MREG: variants seen among roughly 807,000 people sequenced by gnomAD.
The protein encoded by MREG is melanoregulin.
A neutral mutation model predicts 28.5 loss-of-function variants in MREG; 31 were observed. The observed-to-expected ratio is 1.09, with a 90% CI of 0.82 to 1.47. The LOEUF (loss-of-function observed/expected upper bound fraction) is 1.47, where lower values mean the gene tolerates loss of function less well. Among genes scored for constraint, MREG ranks in the 40% most tolerant of loss-of-function variants. MREG has a pLI of 0.00. For missense variants in MREG, 256 were observed against 257.4 expected (o/e 0.99, Z 0.04); for synonymous variants, 106 against 95.2 (o/e 1.11, Z -0.66).
chr2:215,971,882 C>T (rs912384911), intron 2 of MREG, among the ~76,000 whole-genome samples: 2 of 152,194 alleles, frequency 1.3e-5, no homozygotes, highest in Non-Finnish European at 2.9e-5. Context: ...AACCAAGGAT[C>T]TGCCAGCGAG....
At chr2:215,987,610 GT>G (rs1417099484) in intron 2 of MREG, among the ~76,000 whole-genome samples, 2 of 152,200 alleles carry the variant, frequency 1.3e-5, no homozygotes, top group Non-Finnish European at 1.5e-5. Context: ...GAAGGGCGCA[GT>G]GGCTCACATC....
upstream of MREG, among the ~76,000 whole-genome samples, chr2:216,015,150 C>CAT (rs1694421696): frequency 1.8e-5 from 1 of 55,230 alleles, no homozygotes; most frequent in African/African-American, 1.5e-4. Flanking sequence ...TCTGTGCGTG[C>CAT]GTACGTGTGC....
intron 2 of MREG, among the ~76,000 whole-genome samples, chr2:215,956,542 T>C (rs1373628292): frequency 6.6e-6 from 1 of 152,124 alleles, no homozygotes; most frequent in African/African-American, 2.4e-5. Context: ...TTTGGTGTTG[T>C]TTGTTGTTGT....
At chr2:215,940,631 T>C (rs375010991), downstream of MREG, among the ~76,000 whole-genome samples, 10 of 152,330 alleles carry the variant, frequency 6.6e-5, 2 homozygotes, top group South Asian at 1.9e-3. Flanking sequence ...AGTGATTGTA[T>C]TGGCAACTCA....
At chr2:215,958,042 T>A (rs1308016543) in intron 2 of MREG, among the ~76,000 whole-genome samples, 1 of 137,442 alleles carries the variant, frequency 7.3e-6, no homozygotes, top group Non-Finnish European at 1.5e-5. Context: ...CACTCGTAGG[T>A]GGGAAATGAA....
chr2:215,960,698 G>T (rs1361685492), intron 2 of MREG, among the ~76,000 whole-genome samples: 1 of 152,084 alleles, frequency 6.6e-6, no homozygotes, highest in Non-Finnish European at 1.5e-5. Flanking sequence ...GCCAGGCATG[G>T]TGGCGGGCAC....
intron 2 of MREG, among the ~76,000 whole-genome samples, chr2:215,982,219 G>A (rs1055279943): frequency 6.6e-6 from 1 of 151,884 alleles, no homozygotes; most frequent in Non-Finnish European, 1.5e-5. Flanking sequence ...TAGTTGGGAG[G>A]CTGAGACAGG....
chr2:215,978,400 C>T (rs1033202245), intron 2 of MREG, among the ~76,000 whole-genome samples: 7 of 152,068 alleles, frequency 4.6e-5, no homozygotes, highest in Non-Finnish European at 1.0e-4. Flanking sequence ...AATAGCTTAC[C>T]AACTGAAAAA....
At chr2:215,979,475 AT>A (rs1559184963) in intron 2 of MREG, among the ~76,000 whole-genome samples, 6,530 of 118,908 alleles carry the variant, frequency 0.055, 361 homozygotes, top group African/African-American at 0.15. Flanking sequence ...AAAAATAATA[AT>A]AATAATAATA....
chr2:215,986,579 AC>A (rs1693578402), intron 2 of MREG, among the ~76,000 whole-genome samples: 1 of 152,208 alleles, frequency 6.6e-6, no homozygotes, highest in Admixed American at 6.5e-5. Flanking sequence ...CACAAATCTC[AC>A]TTTGAATTTT....
rs201437823 is a variant in MREG at position 215,945,042 on chromosome 2, A to C, written c.511-45T>G. 99 of 1,521,090 alleles carry C rather than the reference A, an allele frequency of 6.5e-5. No individual in the cohort carries two copies. In the East Asian group the frequency reaches 2.2e-3, roughly 34 times the overall value. The allele number at this position is 1,521,090 out of a possible 1,614,324, so 94.2% of individuals were successfully genotyped here. ...ACCAAAAAACTGCTGGCAAGATAGG[A>C]ACCAAGACATGTCGATGGGAAAAAG... On this transcript the variant is annotated intron_variant, in intron 4 of 4. Transcript: ENST00000263268.
At chr2:215,973,162 CAG>C (rs1001350746) in intron 2 of MREG, among the ~76,000 whole-genome samples, 1 of 152,140 alleles carries the variant, frequency 6.6e-6, no homozygotes, top group African/African-American at 2.4e-5. Context: ...CCCAGGACAA[CAG>C]AGGGAATGAC....
At chr2:215,985,097 A>C (rs1376910941) in intron 2 of MREG, among the ~76,000 whole-genome samples, 1 of 152,200 alleles carries the variant, frequency 6.6e-6, no homozygotes, top group Non-Finnish European at 1.5e-5. Flanking sequence ...TGCCTGCTTC[A>C]GTGAGTTGTT....
At chr2:216,012,622 T>A (rs1559198809) in intron 1 of MREG, among the ~76,000 whole-genome samples, 1 of 152,214 alleles carries the variant, frequency 6.6e-6, no homozygotes, top group Admixed American at 6.5e-5. Context: ...TGGGCTGGTA[T>A]GGTCTCTTCA....
intron 1 of MREG, among the ~76,000 whole-genome samples, chr2:216,023,485 C>G (rs943038475): frequency 3.3e-5 from 5 of 152,188 alleles, no homozygotes; most frequent in African/African-American, 1.2e-4. Context: ...CTTTTCTTGG[C>G]TACCATGTGC....
chr2:215,987,448 T>C (rs1195084976), intron 2 of MREG, among the ~76,000 whole-genome samples: 2 of 152,014 alleles, frequency 1.3e-5, no homozygotes, highest in African/African-American at 4.8e-5. Flanking sequence ...GGTTTCACCA[T>C]GTTGGTCAGG....
chr2:216,016,973 A>C (rs1200395746), upstream of MREG, among the ~76,000 whole-genome samples: 1 of 152,218 alleles, frequency 6.6e-6, no homozygotes, highest in Non-Finnish European at 1.5e-5. Context: ...GTCTTCTAAA[A>C]AATTGGAATA....
intron 1 of MREG, among the ~76,000 whole-genome samples, chr2:216,022,972 G>A (rs992208629): frequency 2.6e-5 from 4 of 152,168 alleles, no homozygotes; most frequent in African/African-American, 9.7e-5. Context: ...TCAACTTTAA[G>A]CCCAGATCCT....
chr2:216,026,721 TACACACACAC>T (rs144405857), intron 1 of MREG, among the ~76,000 whole-genome samples: 1 of 151,182 alleles, frequency 6.6e-6, no homozygotes, highest in Non-Finnish European at 1.5e-5. Context: ...GGGTAAAACA[TACACACACAC>T]ACACACTCAA....
Sources: allele counts gnomAD v4.1 joint callset (sites outside exome capture counted in the v4.1 genomes callset), GRCh38; gene constraint gnomAD v4.1.1; transcripts MANE v1.5; gene names NCBI Gene and HGNC (gene_info 2026-07-23, HGNC 2026-07-21).